TMEM74: variants seen among roughly 807,000 people sequenced by gnomAD.
TMEM74 encodes transmembrane protein 74.
Under a neutral mutation model 18.1 loss-of-function variants are expected in TMEM74, and 13 were observed. That is an observed-to-expected ratio of 0.72 (90% CI 0.47 to 1.14). TMEM74 has a LOEUF of 1.14. TMEM74 is among the 50% of genes most tolerant of loss of function. The pLI, the probability that TMEM74 is intolerant of heterozygous loss-of-function variation, is 0.00. For synonymous variants in TMEM74, 159 were observed against 146.6 expected (o/e 1.08, Z -0.61); for missense variants, 372 against 375.9 (o/e 0.99, Z 0.09).
chr8:108,683,159 T>C (rs1162928026), intron 1 of TMEM74, among the ~76,000 whole-genome samples: 2 of 151,848 alleles, frequency 1.3e-5, no homozygotes, highest in Non-Finnish European at 2.9e-5. Context: ...AGGTCTATTC[T>C]TATAAACGAC....
intron 1 of TMEM74, among the ~76,000 whole-genome samples, chr8:108,707,324 T>G (rs1424703829): frequency 7.6e-6 from 1 of 131,058 alleles, no homozygotes; most frequent in Non-Finnish European, 1.6e-5. Flanking sequence ...CCCTAGAACT[T>G]AAACTATAAA....
intron 2 of TMEM74, among the ~76,000 whole-genome samples, chr8:108,645,496 G>T (rs1353645): frequency 0.17 from 25,338 of 152,042 alleles, 2,629 homozygotes; most frequent in East Asian, 0.44. Flanking sequence ...CTAGCAGAAA[G>T]AAGAAATTTT....
chr8:108,633,464 C>G (rs561958975), intron 2 of TMEM74, among the ~76,000 whole-genome samples: 1 of 151,934 alleles, frequency 6.6e-6, no homozygotes, highest in Non-Finnish European at 1.5e-5. Context: ...CACTTATAAG[C>G]TAGTAATTAT....
intron 1 of TMEM74, among the ~76,000 whole-genome samples, chr8:108,669,958 A>C (rs1239979494): frequency 2.0e-5 from 3 of 149,832 alleles, no homozygotes; most frequent in Non-Finnish European, 3.0e-5. Context: ...GAATCACTTG[A>C]ACTCGGGAGG....
intron 2 of TMEM74, among the ~76,000 whole-genome samples, chr8:108,616,587 T>C (rs1383559839): frequency 6.6e-6 from 1 of 152,208 alleles, no homozygotes; most frequent in East Asian, 1.9e-4. Flanking sequence ...GGCAGATATA[T>C]GTTCTTGGAA....
intron 1 of TMEM74, among the ~76,000 whole-genome samples, chr8:108,719,049 C>T (rs955937212): frequency 8.6e-5 from 13 of 151,064 alleles, no homozygotes; most frequent in Non-Finnish European, 1.5e-4. Context: ...TGCAGTGTTC[C>T]GATAAAAATT....
At chr8:108,766,893 G>A (rs1418940295) in intron 1 of TMEM74, among the ~76,000 whole-genome samples, 1 of 152,136 alleles carries the variant, frequency 6.6e-6, no homozygotes, top group African/African-American at 2.4e-5. Context: ...TGATGTTTGA[G>A]GGCAGGAAGA....
intron 1 of TMEM74, among the ~76,000 whole-genome samples, chr8:108,716,683 T>C (rs997209592): frequency 2.0e-5 from 3 of 151,574 alleles, no homozygotes; most frequent in Non-Finnish European, 4.4e-5. Context: ...GAGAAAATCA[T>C]CAAAGAGAAC....
chr8:108,660,809 G>A (rs1462969453), intron 1 of TMEM74, among the ~76,000 whole-genome samples: 1 of 152,080 alleles, frequency 6.6e-6, no homozygotes, highest in Admixed American at 6.6e-5. Context: ...TTCACTGGGA[G>A]AAGAGAACAG....
intron 1 of TMEM74, among the ~76,000 whole-genome samples, chr8:108,696,141 C>G (rs889635115): frequency 1.3e-5 from 2 of 152,098 alleles, no homozygotes; most frequent in African/African-American, 2.4e-5. Context: ...ACTTATATAG[C>G]CAAGGATGTA....
chr8:108,776,211 C>A (rs112591741), downstream of TMEM74, among the ~76,000 whole-genome samples: 3 of 152,152 alleles, frequency 2.0e-5, no homozygotes, highest in Non-Finnish European at 4.4e-5. Context: ...AAGATAATTA[C>A]GCTGGGCACC....
intron 2 of TMEM74, among the ~76,000 whole-genome samples, chr8:108,614,517 C>T (rs1812364985): frequency 6.6e-6 from 1 of 152,080 alleles, no homozygotes; most frequent in Admixed American, 6.6e-5. Context: ...AAAGAATGAC[C>T]TAGAATATTC....
Position 108,634,648 on chromosome 8 carries a change from T to C in TMEM74, n.264+20645A>G, listed in dbSNP as rs1812589226. Among the ~76,000 whole-genome samples the C allele has an allele frequency of 2.0e-5, 3 of 152,016 alleles. No homozygotes were observed. In the South Asian group the frequency reaches 6.2e-4, roughly 31 times the overall value. ...CTGATTTTCAGGGGACTCTTCACTC[T>C]AAGAAAACCGAGACCACTGCTCCTC... On this transcript the variant is annotated intron_variant and non_coding_transcript_variant, in intron 2 of 3. Coordinates refer to the TMEM74 transcript ENST00000518838.
intron 1 of TMEM74, among the ~76,000 whole-genome samples, chr8:108,682,521 T>C (rs1813126186): frequency 1.3e-5 from 2 of 152,084 alleles, no homozygotes; most frequent in Non-Finnish European, 2.9e-5. Flanking sequence ...GTAGCAACCA[T>C]GTTTATTTGG....
chr8:108,636,331 A>C (rs1812606456), intron 2 of TMEM74, among the ~76,000 whole-genome samples: 1 of 152,094 alleles, frequency 6.6e-6, no homozygotes, highest in African/African-American at 2.4e-5. Flanking sequence ...TCTCCCTCAG[A>C]TTCACAACTG....
intron 1 of TMEM74, among the ~76,000 whole-genome samples, chr8:108,667,279 C>G (rs969803538): frequency 1.3e-5 from 2 of 151,900 alleles, no homozygotes; most frequent in Non-Finnish European, 2.9e-5. Flanking sequence ...CTCAGGGAAG[C>G]AGAAAAAATG....
chr8:108,758,323 C>T (rs941951311), intron 1 of TMEM74, among the ~76,000 whole-genome samples: 6 of 151,942 alleles, frequency 3.9e-5, no homozygotes, highest in Non-Finnish European at 7.4e-5. Context: ...AATTTATATC[C>T]TCTGTGAAGG....
In TMEM74 at chr8:108,637,686, T is replaced by C. The variant is rs149201114; in HGVS notation, n.264+17607A>G. On this transcript the variant is annotated intron_variant and non_coding_transcript_variant, in intron 2 of 3. Transcript: ENST00000518838. ...AGGAAATAAATTCTCTTCTAGAGCC[T>C]ACAGAAGGAAAGAGGAGGGCAGGAC... is the stretch of plus-strand genomic sequence containing the variant. Among the ~76,000 whole-genome samples, 3 of 152,258 alleles carry C rather than the reference T, an allele frequency of 2.0e-5. No individual in the cohort carries two copies. In the East Asian group the frequency reaches 5.8e-4, roughly 29 times the overall value.
chr8:108,614,664 T>G (rs1031116537), intron 2 of TMEM74, among the ~76,000 whole-genome samples: 1 of 151,508 alleles, frequency 6.6e-6, no homozygotes, highest in Admixed American at 6.6e-5. Context: ...CTGTGGGGGG[T>G]TTTGTGAGAA....
Sources: allele counts gnomAD v4.1 joint callset (sites outside exome capture counted in the v4.1 genomes callset), GRCh38; gene constraint gnomAD v4.1.1; transcripts MANE v1.5; gene names NCBI Gene and HGNC (gene_info 2026-07-23, HGNC 2026-07-21).